Variants in SLX4IP observed in about 807,000 individuals in gnomAD.
SLX4IP encodes the protein protein SLX4IP.
SLX4IP carries 34 observed loss-of-function variants against 32.9 expected under a neutral mutation model. That is an observed-to-expected ratio of 1.03 (90% CI 0.79 to 1.38). The LOEUF (loss-of-function observed/expected upper bound fraction) is 1.38, where lower values mean the gene tolerates loss of function less well. SLX4IP is among the 40% of genes most tolerant of loss of function. The pLI is 0.00. For synonymous variants in SLX4IP, 172 were observed against 171.7 expected (o/e 1.00, Z -0.01); for missense variants, 444 against 479.0 (o/e 0.93, Z 0.68).
chr20:10,547,154 T>C (rs537011456), intron 2 of SLX4IP, among the ~76,000 whole-genome samples: 122 of 152,340 alleles, frequency 8.0e-4, no homozygotes, highest in Non-Finnish European at 1.4e-3. Flanking sequence ...TCAAAACTCT[T>C]TCTCAGTAGG....
chr20:10,455,615 ATTTATTTATTTT>A (rs1011840166), intron 1 of SLX4IP, among the ~76,000 whole-genome samples: 5 of 148,858 alleles, frequency 3.4e-5, no homozygotes, highest in African/African-American at 1.3e-4. Flanking sequence ...TTATTTATTT[ATTTATTTATTTT>A]GAGACAGAGT....
intron 2 of SLX4IP, among the ~76,000 whole-genome samples, chr20:10,493,702 A>G (rs2065644316): frequency 6.6e-6 from 1 of 152,160 alleles, no homozygotes; most frequent in Non-Finnish European, 1.5e-5. Context: ...CTTTAATGGA[A>G]ATAATTTTAA....
intron 4 of SLX4IP, among the ~76,000 whole-genome samples, chr20:10,577,820 A>G (rs1353996553): frequency 1.3e-5 from 2 of 152,374 alleles, no homozygotes; most frequent in East Asian, 3.9e-4. Context: ...AGAATTCACC[A>G]TCAAATACTC....
intron 4 of SLX4IP, among the ~76,000 whole-genome samples, chr20:10,578,660 T>C (rs1003969193): frequency 1.3e-5 from 2 of 152,226 alleles, no homozygotes; most frequent in Non-Finnish European, 2.9e-5. Context: ...ACTTCCAGAC[T>C]GTTTTCCAAG....
intron 1 of SLX4IP, among the ~76,000 whole-genome samples, chr20:10,454,299 TG>T (rs1282377145): frequency 6.6e-6 from 1 of 152,188 alleles, no homozygotes; most frequent in Non-Finnish European, 1.5e-5. Flanking sequence ...GGAACCCCTA[TG>T]TCAGTATTTT....
chr20:10,534,678 A>G (rs1259748448), intron 2 of SLX4IP, among the ~76,000 whole-genome samples: 6 of 152,084 alleles, frequency 3.9e-5, no homozygotes, highest in African/African-American at 1.4e-4. Flanking sequence ...TGCTCAATAA[A>G]TTAAAAACGA....
chr20:10,458,336 A>G (rs773230988), intron 2 of SLX4IP, 105 bp downstream of exon 2: 23 of 1,187,390 alleles, frequency 1.9e-5, no homozygotes, highest in Non-Finnish European at 2.6e-5. Flanking sequence ...TGCTTTTTAC[A>G]CTTGGGACTC....
intron 4 of SLX4IP, among the ~76,000 whole-genome samples, chr20:10,588,497 C>T (rs1328041747): frequency 6.6e-6 from 1 of 152,044 alleles, no homozygotes; most frequent in Non-Finnish European, 1.5e-5. Context: ...AGTCTCACGT[C>T]TGGGTATATA....
chr20:10,489,640 T>TGCTA (rs2065603729), intron 2 of SLX4IP, among the ~76,000 whole-genome samples: 1 of 152,170 alleles, frequency 6.6e-6, no homozygotes, highest in Non-Finnish European at 1.5e-5. Context: ...CTCCTCAACG[T>TGCTA]GCTAGCACAA....
At chr20:10,569,634 T>A (rs2066438881) in intron 4 of SLX4IP, among the ~76,000 whole-genome samples, 1 of 152,166 alleles carries the variant, frequency 6.6e-6, no homozygotes, top group African/African-American at 2.4e-5. Context: ...CTCCTTTGCT[T>A]GTTGATGGCT....
At chr20:10,461,351 A>G (rs2065336418) in intron 2 of SLX4IP, among the ~76,000 whole-genome samples, 1 of 152,262 alleles carries the variant, frequency 6.6e-6, no homozygotes, top group Non-Finnish European at 1.5e-5. Context: ...GATGCCTGCA[A>G]GGCTTGGAAC....
At chr20:10,600,911 G>A (rs1204951998) in intron 5 of SLX4IP, among the ~76,000 whole-genome samples, 1 of 152,192 alleles carries the variant, frequency 6.6e-6, no homozygotes, top group Admixed American at 6.5e-5. Flanking sequence ...TACCCTGTTG[G>A]CATCAGCTTA....
intron 2 of SLX4IP, among the ~76,000 whole-genome samples, chr20:10,538,367 A>T (rs963740747): frequency 6.6e-6 from 1 of 152,122 alleles, no homozygotes; most frequent in Non-Finnish European, 1.5e-5. Context: ...CCTGTGCAGT[A>T]TAGGGTGTTC....
chr20:10,552,290 A>G (rs1323447649), intron 2 of SLX4IP, among the ~76,000 whole-genome samples: 1 of 152,220 alleles, frequency 6.6e-6, no homozygotes, highest in Non-Finnish European at 1.5e-5. Context: ...TGCTTCTCTC[A>G]GAAGAAAGCT....
chr20:10,610,574 G>A (rs986186713), intron 6 of SLX4IP, among the ~76,000 whole-genome samples: 1 of 152,244 alleles, frequency 6.6e-6, no homozygotes, highest in Admixed American at 6.5e-5. Context: ...GGAAGGTCAT[G>A]TCTGCCTCGT....
At chr20:10,608,386 C>A (rs933058214) in intron 6 of SLX4IP, among the ~76,000 whole-genome samples, 1 of 152,104 alleles carries the variant, frequency 6.6e-6, no homozygotes, top group Non-Finnish European at 1.5e-5. Flanking sequence ...TCATAGAAGG[C>A]CAGGCGCGGT....
intron 2 of SLX4IP, among the ~76,000 whole-genome samples, chr20:10,520,408 A>G (rs1166393753): frequency 1.3e-5 from 2 of 152,208 alleles, no homozygotes; most frequent in Non-Finnish European, 2.9e-5. Flanking sequence ...GTAAGTGTTC[A>G]TTATATATTC....
chr20:10,611,884 A>G (rs1000729632), intron 6 of SLX4IP, among the ~76,000 whole-genome samples: 8 of 152,204 alleles, frequency 5.3e-5, no homozygotes, highest in African/African-American at 1.2e-4. Context: ...TTCTCTTTCT[A>G]TAAGTCCATA....
chr20:10,500,426 T>C (rs1003236504), intron 2 of SLX4IP, among the ~76,000 whole-genome samples: 1 of 151,986 alleles, frequency 6.6e-6, no homozygotes, highest in African/African-American at 2.4e-5. Flanking sequence ...ACTGATGTGT[T>C]AAAGTTCTAT....
Sources: gnomAD v4.1 joint callset for allele counts (sites outside exome capture counted in the v4.1 genomes callset) on GRCh38, gnomAD v4.1.1 for gene constraint, MANE v1.5 for transcripts, NCBI Gene and HGNC (gene_info 2026-07-23, HGNC 2026-07-21) for gene names.